The following GLOD4 variants were observed in gnomAD, a reference collection of about 807,000 sequenced individuals.
GLOD4 encodes glyoxalase domain-containing protein 4.
Under a neutral mutation model 39.1 loss-of-function variants are expected in GLOD4, and 44 were observed. That is an observed-to-expected ratio of 1.13 (90% CI 0.88 to 1.45). The LOEUF (loss-of-function observed/expected upper bound fraction) is 1.45. Among genes scored for constraint, GLOD4 ranks in the 40% most tolerant of loss-of-function variants. GLOD4 has a pLI of 0.00. For missense variants in GLOD4, 405 were observed against 366.4 expected (o/e 1.11, Z -0.86); for synonymous variants, 145 against 135.0 (o/e 1.07, Z -0.52).
intron 8 of GLOD4, chr17:764,616 G>T (rs1194749754): frequency 6.6e-6 from 1 of 151,908 alleles, no homozygotes; most frequent in Non-Finnish European, 1.5e-5. Context: ...ACCATTATAA[G>T]AATGAATGAG....
intron 6 of GLOD4, 49 bp downstream of exon 6, chr17:770,372 G>A (rs1172136820): frequency 2.1e-6 from 2 of 952,630 alleles, no homozygotes; most frequent in Non-Finnish European, 3.5e-6. Flanking sequence ...TCTTAGCTGG[G>A]TTGAACTAGC....
chr17:768,410 G>C (rs1226860), intron 8 of GLOD4, among the ~76,000 whole-genome samples: 1 of 114,264 alleles, frequency 8.8e-6, no homozygotes, highest in South Asian at 3.2e-4. Flanking sequence ...AACAGCGCGC[G>C]CTCAGATTTT....
intron 4 of GLOD4, among the ~76,000 whole-genome samples, chr17:774,504 C>T (rs1908552306): frequency 6.6e-6 from 1 of 152,190 alleles, no homozygotes; most frequent in Non-Finnish European, 1.5e-5. Context: ...GATGAGGCTG[C>T]CTCTGCAGTC....
At chr17:765,752 C>A (rs1452587065) in intron 8 of GLOD4, among the ~76,000 whole-genome samples, 1 of 151,878 alleles carries the variant, frequency 6.6e-6, no homozygotes, top group Admixed American at 6.5e-5. Context: ...CCTACTCAAC[C>A]AGCCTGACCA....
rs58920412 is a variant in GLOD4, at chr17:767,517, G to A, written c.831+2352C>T. On this transcript the variant is annotated intron_variant, in intron 8 of 8. Transcript: ENST00000301329. The stretch of plus-strand genomic sequence containing the variant: ...AGGACGTAAGAGGGAGAAACAGCGC[G>A]CACTCAGATTTTTAGAGAAGAAATC... Among the ~76,000 whole-genome samples, 438 of 146,522 alleles carry A rather than the reference G, an allele frequency of 3.0e-3. 1 individual carries two copies. The highest frequency in any genetic ancestry group is 0.011 in the African/African-American group (407 of 37,494).
At chr17:763,377 G>A (rs535380450) in intron 8 of GLOD4, among the ~76,000 whole-genome samples, 16 of 151,058 alleles carry the variant, frequency 1.1e-4, no homozygotes, top group Non-Finnish European at 1.6e-4. Context: ...ACATGGTGGC[G>A]GGTGCCTGTA....
At chr17:778,277 C>T in intron 2 of GLOD4, 3 of 292,966 alleles carry the variant, frequency 1.0e-5, no homozygotes, top group Non-Finnish European at 1.9e-5. Context: ...AAGATCCAGA[C>T]TGTGACCGGC....
Position 776,870 on chromosome 17 carries a change from T to C in GLOD4, c.259A>G (p.Met87Val). 3 of 1,613,058 alleles carry C rather than the reference T, an allele frequency of 1.9e-6. No homozygotes were observed. Among genetic ancestry groups the C allele is most frequent in the Non-Finnish European group, 2.5e-6 (3 of 1,179,030 alleles). ...TGCTAGAAAAAAACGGTATTTACCA[T>C]AAAGTCATTGCCAAGCTTGTAGTCT... ...VGDYKLGNDF[M>V]GITLASSQAV... The change falls in exon 3 of 9, where the codon ATG (methionine) becomes GTG (valine). Residue 87 changes from methionine to valine, a missense_variant and splice_region_variant. Transcript: ENST00000301329.
chr17:765,982 C>G (rs1906465223), intron 8 of GLOD4, among the ~76,000 whole-genome samples: 1 of 151,308 alleles, frequency 6.6e-6, no homozygotes, highest in African/African-American at 2.4e-5. Context: ...GGCAGGATCG[C>G]TAACAGCAGA....
chr17:762,007 CAG>C (rs1905535047), intron 8 of GLOD4, among the ~76,000 whole-genome samples: 1 of 152,146 alleles, frequency 6.6e-6, no homozygotes, highest in African/African-American at 2.4e-5. Context: ...CATGCTCTGT[CAG>C]AGAGTTTGAA....
At chr17:774,376 C>T (rs954293085) in intron 4 of GLOD4, among the ~76,000 whole-genome samples, 1 of 152,226 alleles carries the variant, frequency 6.6e-6, no homozygotes, top group African/African-American at 2.4e-5. Context: ...ATACGTTCAC[C>T]AAGTAAGGGA....
chr17:784,020 CA>C (rs1910411088), upstream of GLOD4, among the ~76,000 whole-genome samples: 1 of 152,176 alleles, frequency 6.6e-6, no homozygotes, highest in Admixed American at 6.5e-5. Flanking sequence ...AAGCGAGGTA[CA>C]AGCCACAATT....
At chr17:766,069 G>A (rs1375764044) in intron 8 of GLOD4, among the ~76,000 whole-genome samples, 1 of 151,516 alleles carries the variant, frequency 6.6e-6, no homozygotes, top group East Asian at 2.0e-4. Context: ...GGCCAAGATG[G>A]ATCGAATGAT....
intron 4 of GLOD4, among the ~76,000 whole-genome samples, chr17:775,124 AG>A (rs1298820384): frequency 1.3e-5 from 2 of 149,222 alleles, no homozygotes; most frequent in Non-Finnish European, 3.0e-5. Flanking sequence ...AAAAAAAAAA[AG>A]CTGAGCGTGG....
upstream of GLOD4, chr17:783,218 A>G (rs199541736): frequency 1.1e-4 from 182 of 1,614,196 alleles, no homozygotes; most frequent in Non-Finnish European, 1.3e-4. Context: ...GCCGTCTAGA[A>G]TACCTAAAGG....
At chr17:784,753 T>C (rs1214413450), upstream of GLOD4, among the ~76,000 whole-genome samples, 3 of 152,190 alleles carry the variant, frequency 2.0e-5, no homozygotes, top group African/African-American at 7.2e-5. Context: ...GCGACATAAG[T>C]AGGGCCTCCG....
At chr17:776,608 CCT>C (rs1334649044) in intron 3 of GLOD4, among the ~76,000 whole-genome samples, 2 of 152,216 alleles carry the variant, frequency 1.3e-5, no homozygotes, top group African/African-American at 4.8e-5. Flanking sequence ...ACCACGCTCC[CCT>C]CTCGTTCTCT....
chr17:764,186 C>A (rs1435179874), intron 8 of GLOD4: 1 of 152,114 alleles, frequency 6.6e-6, no homozygotes, highest in Non-Finnish European at 1.5e-5. Context: ...CTCTGTGGGG[C>A]CGAGCTGGAA....
Position 777,007 on chromosome 17 carries a change from T to C in GLOD4, c.141-19A>G, listed in dbSNP as rs771258218. The stretch of plus-strand genomic sequence containing the variant: ...ATAAGGCCTAGAAAATAAAAGTAAA[T>C]GAACTCAGTGACTACAGACAAGTCA... On this transcript the variant is annotated intron_variant, in intron 2 of 8. Coordinates refer to ENST00000301329, the MANE Select transcript of GLOD4 (RefSeq NM_016080.4). The C allele has an allele frequency of 1.2e-6, 2 of 1,610,966 alleles. No individual in the cohort carries two copies. The highest frequency in any genetic ancestry group is 1.1e-5 in the South Asian group (1 of 91,012).
Sources: gnomAD v4.1 joint callset for allele counts (sites outside exome capture counted in the v4.1 genomes callset) on GRCh38, gnomAD v4.1.1 for gene constraint, MANE v1.5 for transcripts, NCBI Gene and HGNC (gene_info 2026-07-23, HGNC 2026-07-21) for gene names.